The following CYP7B1 variants were observed in gnomAD, a reference collection of about 807,000 sequenced individuals.
CYP7B1 encodes the protein cytochrome P450 7B1.
A neutral mutation model predicts 42.7 loss-of-function variants in CYP7B1; 29 were observed. The ratio of observed to expected loss-of-function variants is 0.68; its 90% CI spans 0.51 to 0.93. The LOEUF (loss-of-function observed/expected upper bound fraction) is 0.93. Among genes scored for constraint, CYP7B1 ranks in the 40% least tolerant of loss-of-function variants. The pLI is 0.00. For missense variants in CYP7B1, 655 were observed against 600.5 expected (o/e 1.09, Z -0.95); for synonymous variants, 235 against 218.2 (o/e 1.08, Z -0.68).
chr8:64,589,198 T>C (rs1417773775), downstream of CYP7B1, among the ~76,000 whole-genome samples: 1 of 152,158 alleles, frequency 6.6e-6, no homozygotes, highest in Non-Finnish European at 1.5e-5. Flanking sequence ...TCCCGTGGAG[T>C]AGTTGATGTG....
At chr8:64,642,221 C>T (rs1459452934) in intron 1 of CYP7B1, among the ~76,000 whole-genome samples, 1 of 151,902 alleles carries the variant, frequency 6.6e-6, no homozygotes, top group Non-Finnish European at 1.5e-5. Flanking sequence ...AAAATGATAC[C>T]TTACTATGTG....
chr8:64,641,013 G>C (rs969538556), intron 1 of CYP7B1, among the ~76,000 whole-genome samples: 1 of 152,150 alleles, frequency 6.6e-6, no homozygotes, highest in Non-Finnish European at 1.5e-5. Flanking sequence ...TAGCAAAGAG[G>C]CTGCTTAGCT....
intron 1 of CYP7B1, among the ~76,000 whole-genome samples, chr8:64,685,701 C>T (rs1443984852): frequency 1.9e-5 from 1 of 52,278 alleles, no homozygotes; most frequent in Non-Finnish European, 4.8e-5. Context: ...AGGAGCCTCT[C>T]CGCCCGGCAG....
chr8:64,798,501 C>G lies in CYP7B1; in HGVS notation c.87G>C (p.Leu29=). ...GGACAAGCAAGCAGAGGGCCAGGAG[C>G]AGCAGGGCCGCGGCGAGGGCCAGGC... ...LPGLALAAAL[L]LLALCLLVRR... Residue 29 remains leucine, a synonymous_variant, in exon 1 of 6, where the codon CTG becomes CTC. Coordinates refer to ENST00000310193, the MANE Select transcript of CYP7B1 (RefSeq NM_004820.5). 1 of 1,509,928 alleles carries G rather than the reference C, an allele frequency of 6.6e-7. No homozygotes were observed. Among genetic ancestry groups the G allele is most frequent in the Non-Finnish European group, 8.8e-7 (1 of 1,137,898 alleles). The allele number at this position is 1,509,928 out of a possible 1,614,324, so 93.5% of individuals were successfully genotyped here. A position where few individuals can be genotyped will look rare whatever the true frequency, so the allele number is the denominator to read the frequency against.
chr8:64,674,962 G>A (rs969696079), intron 1 of CYP7B1, among the ~76,000 whole-genome samples: 60 of 151,958 alleles, frequency 3.9e-4, no homozygotes, highest in Admixed American at 9.2e-4. Flanking sequence ...GCTTATCACC[G>A]TGAATAGCAA....
At chr8:64,681,293 G>A (rs75110524) in intron 1 of CYP7B1, among the ~76,000 whole-genome samples, 5,016 of 152,166 alleles carry the variant, frequency 0.033, 254 homozygotes, top group African/African-American at 0.11. Flanking sequence ...TTCCCCAGTC[G>A]TCACGGAGTG....
chr8:64,682,902 A>G (rs905498792), intron 1 of CYP7B1, among the ~76,000 whole-genome samples: 26 of 152,222 alleles, frequency 1.7e-4, no homozygotes, highest in African/African-American at 6.3e-4. Flanking sequence ...TCTATCAAGA[A>G]TGCTTCTTTC....
chr8:64,623,281 G>A (rs1355144034), intron 2 of CYP7B1, among the ~76,000 whole-genome samples: 1 of 152,160 alleles, frequency 6.6e-6, no homozygotes, highest in Non-Finnish European at 1.5e-5. Context: ...TGGAAGTAAG[G>A]TTTTGCAATA....
At chr8:64,621,969 T>G (rs1805537450) in intron 2 of CYP7B1, among the ~76,000 whole-genome samples, 1 of 151,868 alleles carries the variant, frequency 6.6e-6, no homozygotes, top group East Asian at 2.0e-4. Flanking sequence ...GGTCTCGAAT[T>G]CCTACCTCGT....
chr8:64,614,297 GA>G (rs891834981), intron 4 of CYP7B1, among the ~76,000 whole-genome samples: 45 of 151,948 alleles, frequency 3.0e-4, no homozygotes, highest in Non-Finnish European at 5.2e-4. Flanking sequence ...TGTAGAAATA[GA>G]AAAAAACCTT....
intron 1 of CYP7B1, among the ~76,000 whole-genome samples, chr8:64,661,008 G>A (rs1406117552): frequency 6.6e-6 from 1 of 152,196 alleles, no homozygotes; most frequent in Non-Finnish European, 1.5e-5. Flanking sequence ...AAAAAACTTT[G>A]AAATTTTCTG....
At chr8:64,740,177 G>A (rs1182593955) in intron 1 of CYP7B1, among the ~76,000 whole-genome samples, 1 of 152,038 alleles carries the variant, frequency 6.6e-6, no homozygotes, top group Non-Finnish European at 1.5e-5. Context: ...ATCCTGGGCT[G>A]TAAGTCACAC....
intron 1 of CYP7B1, among the ~76,000 whole-genome samples, chr8:64,689,333 T>A (rs1036225673): frequency 1.3e-5 from 2 of 152,214 alleles, no homozygotes; most frequent in Non-Finnish European, 2.9e-5. Flanking sequence ...TTCACACACA[T>A]AGATCCTACT....
At chr8:64,789,736 C>T (rs1459581005) in intron 1 of CYP7B1, among the ~76,000 whole-genome samples, 1 of 152,224 alleles carries the variant, frequency 6.6e-6, no homozygotes, top group East Asian at 1.9e-4. Context: ...CCCCAAATTT[C>T]CAGGTTGAGA....
chr8:64,681,068 G>C (rs1311659274), intron 1 of CYP7B1, among the ~76,000 whole-genome samples: 3 of 152,118 alleles, frequency 2.0e-5, no homozygotes, highest in Admixed American at 6.5e-5. Flanking sequence ...AATGTGATTG[G>C]TTCAATCTGT....
At chr8:64,779,392 G>T (rs1248350266) in intron 1 of CYP7B1, among the ~76,000 whole-genome samples, 2 of 152,026 alleles carry the variant, frequency 1.3e-5, no homozygotes, top group Non-Finnish European at 2.9e-5. Flanking sequence ...ATTCTCAAAA[G>T]TGTTGGCCAT....
chr8:64,669,362 C>T (rs1177692931), intron 1 of CYP7B1, among the ~76,000 whole-genome samples: 2 of 152,036 alleles, frequency 1.3e-5, no homozygotes, highest in African/African-American at 4.8e-5. Flanking sequence ...ATGCCTCCCC[C>T]TCCATGTATG....
At chr8:64,739,116 AC>A (rs1326074095) in intron 1 of CYP7B1, among the ~76,000 whole-genome samples, 1 of 152,080 alleles carries the variant, frequency 6.6e-6, no homozygotes, top group Non-Finnish European at 1.5e-5. Flanking sequence ...CCAGAGCCTT[AC>A]CCCCGCCCCA....
At chr8:64,762,201 T>C (rs1807900943) in intron 1 of CYP7B1, among the ~76,000 whole-genome samples, 1 of 152,186 alleles carries the variant, frequency 6.6e-6, no homozygotes, top group Non-Finnish European at 1.5e-5. Context: ...TGTAATTTTA[T>C]GTTAGGTAAA....
Sources: allele counts gnomAD v4.1 joint callset (sites outside exome capture counted in the v4.1 genomes callset), GRCh38; gene constraint gnomAD v4.1.1; transcripts MANE v1.5; gene names NCBI Gene and HGNC (gene_info 2026-07-23, HGNC 2026-07-21).